HSPA12A: variants seen among roughly 807,000 people sequenced by gnomAD.
HSPA12A encodes the protein heat shock 70 kDa protein 12A.
A neutral mutation model predicts 69.2 loss-of-function variants in HSPA12A; 28 were observed. The observed-to-expected ratio is 0.40, with a 90% CI of 0.30 to 0.55. HSPA12A has a LOEUF of 0.55. Ranked by LOEUF, HSPA12A falls within the 20% of genes least tolerant of loss-of-function variation. The probability of loss-of-function intolerance (pLI) is 0.38; values close to 1 mark genes in which losing one functional copy is unlikely to be tolerated. For missense variants in HSPA12A, 686 were observed against 900.7 expected, an observed-to-expected ratio of 0.76 and a Z score of 3.05; for synonymous variants, 345 against 370.5, an observed-to-expected ratio of 0.93 and a Z score of 0.79.
intron 6 of HSPA12A, 27 bp from the exon 7 acceptor site, chr10:116,683,989 C>T: frequency 6.5e-7 from 1 of 1,529,452 alleles, no homozygotes; most frequent in Non-Finnish European, 8.8e-7. Flanking sequence ...GAGGCTGGGA[C>T]CCAGGGCCCC....
intron 2 of HSPA12A, among the ~76,000 whole-genome samples, chr10:116,819,086 T>G (rs1164983748): frequency 6.6e-6 from 1 of 152,272 alleles, no homozygotes; most frequent in East Asian, 1.9e-4. Flanking sequence ...CCTTGACTTT[T>G]CCTCTTCTTC....
chr10:116,773,043 C>G (rs73380890), intron 2 of HSPA12A, among the ~76,000 whole-genome samples: 1 of 152,164 alleles, frequency 6.6e-6, no homozygotes, highest in Admixed American at 6.5e-5. Flanking sequence ...CAGTCAGGAC[C>G]GGGGACCCTA....
At position 116,705,210 on chromosome 10, in the gene HSPA12A, G is replaced by A. The variant is rs1554882228; in HGVS notation, c.195C>T (p.Thr65=). ...FLVVVAVDFG[T]TSSGYAYSFT... ...AGCTGTAGGCATAGCCACTGGATGT[G>A]GTCCCAAAGTCGACGGCCACCACCA... is the stretch of plus-strand genomic sequence containing the variant. Residue 65 remains threonine (T), a synonymous_variant, in exon 3 of 12, where the codon ACC becomes ACT. Transcript: ENST00000369209. The A allele has an allele frequency of 6.2e-7, 1 of 1,614,188 alleles. No individual in the cohort carries two copies. The highest frequency in any genetic ancestry group is 8.5e-7 in the Non-Finnish European group (1 of 1,180,034).
rs186625395 is a variant in HSPA12A at position 116,779,640 on chromosome 10, G to T, written c.91+55295C>A. On this transcript the variant is annotated intron_variant, in intron 2 of 12. Transcript: ENST00000635765. ...AGGAACAGTGTTGCTGCCAGCCCGC[G>T]ATGGAATCTGGGGGTCATTTGCTCC... Among the ~76,000 whole-genome samples the T allele has an allele frequency of 9.7e-4, 147 of 152,256 alleles. 1 individual carries two copies. The highest frequency in any genetic ancestry group is 1.6e-3 in the Non-Finnish European group (108 of 68,012).
intron 2 of HSPA12A, among the ~76,000 whole-genome samples, chr10:116,768,285 A>C (rs1184991059): frequency 6.6e-6 from 1 of 152,218 alleles, no homozygotes; most frequent in African/African-American, 2.4e-5. Flanking sequence ...ATTTATATGA[A>C]ATGCCTGGAG....
intron 2 of HSPA12A, among the ~76,000 whole-genome samples, chr10:116,811,354 T>C (rs1845178434): frequency 6.6e-6 from 1 of 151,480 alleles, no homozygotes; most frequent in South Asian, 2.1e-4. Context: ...CCCATAAGAG[T>C]CAGGCTAAGA....
rs1554882248 is a variant in HSPA12A at position 116,705,288 on chromosome 10, T to C, written c.127-10A>G. On this transcript the variant is annotated splice_polypyrimidine_tract_variant and intron_variant, in intron 2 of 11. Transcript: ENST00000369209. Reference sequence around the variant, plus strand: ...TGGAGTCAGTGTCGTTCTGCAGATATACAGTGAGGCATGGGGGGTGTGGAG... The same window carrying C: ...TGGAGTCAGTGTCGTTCTGCAGATACACAGTGAGGCATGGGGGGTGTGGAG... 3.1e-6 allele frequency: 5 copies of C among 1,613,872 alleles called. No individual in the cohort carries two copies. Among genetic ancestry groups the C allele is most frequent in the Non-Finnish European group, 4.2e-6 (5 of 1,179,978 alleles).
In HSPA12A at chr10:116,768,415, A is replaced by G. The variant is rs73380878; in HGVS notation, c.92-61130T>C. Among the ~76,000 whole-genome samples the G allele has an allele frequency of 4.8e-3, 726 of 152,350 alleles. 6 individuals carry two copies. Among genetic ancestry groups the G allele is most frequent in the African/African-American group, 0.017 (690 of 41,574 alleles). On this transcript the variant is annotated intron_variant, in intron 2 of 12. Transcript: ENST00000635765. ...CTTTGGGGTGATGAAAATGTTCTGA[A>G]TTAGACAATGGTGATGCTTGCACAA...
intron 2 of HSPA12A, among the ~76,000 whole-genome samples, chr10:116,824,288 C>A (rs1029130434): frequency 1.3e-5 from 2 of 152,170 alleles, no homozygotes; most frequent in Non-Finnish European, 2.9e-5. Flanking sequence ...AAATAAGAAG[C>A]CTCATACACT....
intron 1 of HSPA12A, chr10:116,849,379 A>G: frequency 1.4e-6 from 1 of 712,134 alleles, no homozygotes; most frequent in Non-Finnish European, 2.0e-6. Flanking sequence ...GCAGGGAGAA[A>G]AGACAGAGCA....
chr10:116,705,377 C>A, intron 2 of HSPA12A, 99 bp from the exon 3 acceptor site: 1 of 1,350,662 alleles, frequency 7.4e-7, no homozygotes, highest in Non-Finnish European at 1.1e-6. Flanking sequence ...TGTGAACCCC[C>A]TGCAGACAGA....
At chr10:116,693,391 A>C (rs1849793957) in intron 5 of HSPA12A, among the ~76,000 whole-genome samples, 1 of 152,224 alleles carries the variant, frequency 6.6e-6, no homozygotes, top group East Asian at 1.9e-4. Context: ...TCTTAGACTC[A>C]GTATTCCCAT....
chr10:116,735,937 C>T (rs1851304009), intron 1 of HSPA12A, among the ~76,000 whole-genome samples: 1 of 152,050 alleles, frequency 6.6e-6, no homozygotes, highest in Non-Finnish European at 1.5e-5. Context: ...GCAGAGCTTA[C>T]ATAAGCCAAG....
rs1849191195 is a variant in HSPA12A at position 116,675,132 on chromosome 10, A to T, written c.1677T>A (p.Asp559Glu). 6.2e-7 allele frequency: 1 copy of T among 1,613,912 alleles called. No homozygotes were observed. Among genetic ancestry groups the T allele is most frequent in the African/African-American group, 1.3e-5 (1 of 74,942 alleles). Reference protein sequence around the residue: ...KHPPEKLLVKDGTRWCTDVFD... With the variant: ...KHPPEKLLVKEGTRWCTDVFD... ...AGACGTCGGTGCACCACCGAGTGCC[A>T]TCCTTCACCAGCAGCTTCTCAGGCG... is the stretch of plus-strand genomic sequence containing the variant. Residue 559 changes from aspartate (D) to glutamate (E), a missense_variant, in exon 12 of 12, where the codon GAT (aspartate) becomes GAA (glutamate). Asp to Glu is a conservative substitution (Grantham distance 45). Transcript: ENST00000369209. The surrounding 1 kb of genome is among the most constrained non-coding windows in gnomAD (Gnocchi z 5.2).
chr10:116,807,360 A>C (rs1275468528), intron 2 of HSPA12A, among the ~76,000 whole-genome samples: 4 of 151,624 alleles, frequency 2.6e-5, no homozygotes, highest in Non-Finnish European at 5.9e-5. Context: ...GGGTCCCTGG[A>C]CCTGCTTTCC....
chr10:116,838,381 A>T (rs1365757697), intron 1 of HSPA12A, among the ~76,000 whole-genome samples: 1 of 152,134 alleles, frequency 6.6e-6, no homozygotes, highest in Non-Finnish European at 1.5e-5. Context: ...CCAGAGTGAG[A>T]GTGTGTGTGG....
intron 6 of HSPA12A, among the ~76,000 whole-genome samples, chr10:116,687,515 A>G (rs1849610103): frequency 6.6e-6 from 1 of 152,196 alleles, no homozygotes; most frequent in African/African-American, 2.4e-5. Flanking sequence ...CAACCTCCCC[A>G]GGAGTCCCAG....
chr10:116,814,136 A>G (rs890046606), intron 2 of HSPA12A, among the ~76,000 whole-genome samples: 5 of 152,256 alleles, frequency 3.3e-5, no homozygotes, highest in Non-Finnish European at 7.3e-5. Context: ...TTTTTTAAAA[A>G]AGAATTAAAT....
At chr10:116,781,475 CAA>C (rs1169285210) in intron 2 of HSPA12A, among the ~76,000 whole-genome samples, 2 of 152,058 alleles carry the variant, frequency 1.3e-5, no homozygotes, top group African/African-American at 4.8e-5. Flanking sequence ...GCACTTGTCT[CAA>C]TGAAATGTTG....
Sources: allele counts gnomAD v4.1 joint callset (sites outside exome capture counted in the v4.1 genomes callset), GRCh38; gene constraint gnomAD v4.1.1; non-coding constraint Gnocchi (gnomAD v3.1); transcripts MANE v1.5; gene names NCBI Gene and HGNC (gene_info 2026-07-23, HGNC 2026-07-21).